PCDHGB4: variants seen among roughly 807,000 people sequenced by gnomAD.
PCDHGB4 encodes the protein protocadherin gamma subfamily B, 4.
In PCDHGB4, 38 loss-of-function variants were observed where a neutral mutation model predicts 60.5. That is an observed-to-expected ratio of 0.63 (90% CI 0.48 to 0.82). The LOEUF is 0.82. PCDHGB4 is among the 40% of genes least tolerant of loss of function. PCDHGB4 has a pLI of 0.00. For synonymous variants in PCDHGB4, 456 were observed against 509.7 expected, an observed-to-expected ratio of 0.89 and a Z score of 1.42; for missense variants, 1,109 against 1,209.6, an observed-to-expected ratio of 0.92 and a Z score of 1.23.
chr5:141,391,176 T>C (rs562307508), intron 1 of PCDHGB4: 1 of 152,322 alleles, frequency 6.6e-6, no homozygotes, highest in African/African-American at 2.4e-5. Context: ...ACTGCCAATC[T>C]GGTGTGCATA....
At chr5:141,460,981 GTGTA>G (rs1315974712) in intron 1 of PCDHGB4, among the ~76,000 whole-genome samples, 3 of 121,894 alleles carry the variant, frequency 2.5e-5, no homozygotes, top group Non-Finnish European at 5.1e-5. Context: ...GTGTGTGTGT[GTGTA>G]TATATATATA....
chr5:141,466,992 A>ATTT (rs985433044), intron 1 of PCDHGB4, among the ~76,000 whole-genome samples: 1 of 148,706 alleles, frequency 6.7e-6, no homozygotes, highest in African/African-American at 2.5e-5. Flanking sequence ...ACCTTTTGGC[A>ATTT]TTTTTTTGCA....
At chr5:141,473,002 GAA>G (rs2099311273) in intron 1 of PCDHGB4, among the ~76,000 whole-genome samples, 1 of 143,872 alleles carries the variant, frequency 7.0e-6, no homozygotes, top group East Asian at 2.0e-4. Flanking sequence ...AAAAAAGAAA[GAA>G]AAAGAAAAAG....
chr5:141,481,200 T>A (rs977235584), intron 1 of PCDHGB4, among the ~76,000 whole-genome samples: 2 of 152,178 alleles, frequency 1.3e-5, no homozygotes, highest in Non-Finnish European at 2.9e-5. Flanking sequence ...CCAATTTTTT[T>A]AAAAAACATG....
Position 141,431,859 on chromosome 5 carries a change from C to T in PCDHGB4, c.2397+41578C>T. ...AACTCTCCCAGAGGGACATTAATTG[C>T]CCTTTTAAATGTAAATGACCAAGAT... On this transcript the variant is annotated intron_variant, in intron 1 of 3. Coordinates refer to ENST00000519479, the MANE Select transcript of PCDHGB4 (RefSeq NM_003736.4). The surrounding 1 kb of genome is among the most constrained non-coding windows in gnomAD (Gnocchi z 4.8). 3.1e-6 allele frequency: 5 copies of T among 1,614,178 alleles called. No homozygotes were observed. The highest frequency in any genetic ancestry group is 4.2e-6 in the Non-Finnish European group (5 of 1,180,008).
rs372294800 is a variant in PCDHGB4, at chr5:141,388,574, T to A, written c.690T>A (p.Val230=). The A allele has an allele frequency of 6.6e-5, 107 of 1,613,842 alleles. No individual in the cohort carries two copies. Among genetic ancestry groups the A allele is most frequent in the Middle Eastern group, 1.6e-4 (1 of 6,062 alleles). The part of the protein sequence containing the change: ...PPLSSTAQIH[V]LVTDANDNAP... ...TAAGCAGCACTGCACAGATACACGT[T>A]CTAGTGACTGATGCCAATGATAATG... Residue 230 remains valine (V), a synonymous_variant, in exon 1 of 4, where the codon GTT becomes GTA. Coordinates refer to ENST00000519479, the MANE Select transcript of PCDHGB4 (RefSeq NM_003736.4).
chr5:141,428,856 G>A (rs1195849417), intron 1 of PCDHGB4: 4 of 143,808 alleles, frequency 2.8e-5, no homozygotes, highest in Admixed American at 1.4e-4. Flanking sequence ...ATTTTTACGG[G>A]AGACTTTTTT....
At chr5:141,403,612 G>A (rs1314297922) in intron 1 of PCDHGB4, 1 of 1,613,854 alleles carries the variant, frequency 6.2e-7, no homozygotes, top group Non-Finnish European at 8.5e-7. Flanking sequence ...GCGGCGAGCC[G>A]CGTCGCTCCA....
chr5:141,400,145 A>T (rs543908773), intron 1 of PCDHGB4: 6 of 1,613,314 alleles, frequency 3.7e-6, no homozygotes, highest in Non-Finnish European at 4.2e-6. Flanking sequence ...GATATCACTG[A>T]CCGCCCTGTA....
intron 1 of PCDHGB4, among the ~76,000 whole-genome samples, chr5:141,434,854 A>G (rs2097723190): frequency 6.6e-6 from 1 of 151,936 alleles, no homozygotes; most frequent in Admixed American, 6.6e-5. Context: ...ACATCAATAA[A>G]TTTATATATA....
At chr5:141,478,940 T>C in intron 1 of PCDHGB4, 2 of 584,636 alleles carry the variant, frequency 3.4e-6, no homozygotes, top group South Asian at 2.7e-5. Flanking sequence ...CTTCTAGGAA[T>C]ACAAAAACTA....
At chr5:141,413,650 C>T (rs1384444202) in intron 1 of PCDHGB4, 2 of 1,613,714 alleles carry the variant, frequency 1.2e-6, no homozygotes, top group Non-Finnish European at 1.7e-6. Flanking sequence ...TTTTCCTCTC[C>T]CGGAAGCTAT....
intron 1 of PCDHGB4, among the ~76,000 whole-genome samples, chr5:141,469,170 G>A (rs2099192781): frequency 6.6e-6 from 1 of 152,042 alleles, no homozygotes; most frequent in South Asian, 2.1e-4. Context: ...CAGCTACTTG[G>A]GAGGCTGAGG....
At chr5:141,394,883 ACT>A (rs1415060925) in intron 1 of PCDHGB4, 4 of 1,611,604 alleles carry the variant, frequency 2.5e-6, no homozygotes, top group Admixed American at 1.7e-5. Context: ...CGAGCCTTAC[ACT>A]CTATCTCGTG....
At chr5:141,497,464 T>C (rs1277760390) in intron 2 of PCDHGB4, among the ~76,000 whole-genome samples, 1 of 151,764 alleles carries the variant, frequency 6.6e-6, no homozygotes, top group Admixed American at 6.6e-5. Context: ...CTTGGAGATA[T>C]GGAGGAGAAG....
rs1022516458 is a variant in PCDHGB4, at chr5:141,476,612, A to G, written c.2398-18195A>G. The G allele has an allele frequency of 1.2e-6, 2 of 1,614,236 alleles. No individual in the cohort carries two copies. The highest frequency in any genetic ancestry group is 2.2e-5 in the South Asian group (2 of 91,080). ...GAGCGCGCACGATCCCGATGTGGGA[A>G]GCAACTCTTTACAAACCTATGAGCT... On this transcript the variant is annotated intron_variant, in intron 1 of 3. Transcript: ENST00000519479. The surrounding 1 kb of genome is among the most constrained non-coding windows in gnomAD (Gnocchi z 7.6).
chr5:141,500,184 TTTTA>T (rs58019021), intron 2 of PCDHGB4, among the ~76,000 whole-genome samples: 6,359 of 135,894 alleles, frequency 0.047, 285 homozygotes, highest in African/African-American at 0.12. Context: ...TCATTTTTAT[TTTTA>T]TTTATTTATT....
At chr5:141,478,234 G>C (rs762337749) in intron 1 of PCDHGB4, 21 of 1,614,082 alleles carry the variant, frequency 1.3e-5, no homozygotes, top group Non-Finnish European at 1.8e-5. Flanking sequence ...TGGGGTTTGT[G>C]GTCACAGTGT....
intron 1 of PCDHGB4, chr5:141,403,607 G>T: frequency 6.2e-7 from 1 of 1,613,858 alleles, no homozygotes; most frequent in Non-Finnish European, 8.5e-7. Flanking sequence ...GGATGGCGGC[G>T]AGCCGCGTCG....
Sources: gnomAD v4.1 joint callset for allele counts (sites outside exome capture counted in the v4.1 genomes callset) on GRCh38, gnomAD v4.1.1 for gene constraint, Gnocchi (gnomAD v3.1) non-coding constraint, MANE v1.5 for transcripts, NCBI Gene and HGNC (gene_info 2026-07-23, HGNC 2026-07-21) for gene names.